The following FCRL5 variants were observed in gnomAD, a reference collection of about 807,000 sequenced individuals.
FCRL5 encodes Fc receptor-like protein 5.
FCRL5 carries 79 observed loss-of-function variants against 92.1 expected under a neutral mutation model. The observed-to-expected ratio is 0.86, with a 90% CI of 0.72 to 1.03. FCRL5 has a LOEUF of 1.03. FCRL5 is among the 50% of genes least tolerant of loss of function. FCRL5 has a pLI of 0.00. For synonymous variants in FCRL5, 466 were observed against 469.3 expected (o/e 0.99, Z 0.09); for missense variants, 1,160 against 1,181.1 (o/e 0.98, Z 0.26).
At chr1:157,532,242 C>T (rs1650731014) in intron 8 of FCRL5, 3 of 151,554 alleles carry the variant, frequency 2.0e-5, no homozygotes, top group Admixed American at 6.6e-5. Context: ...TTTTGTCAGT[C>T]CTAACATCTA....
In FCRL5 at chr1:157,524,551, A is replaced by G. The variant is rs369557186; in HGVS notation, c.1967T>C (p.Val656Ala). 1,697 of 1,586,686 alleles carry G rather than the reference A, an allele frequency of 1.1e-3. 39 individuals are homozygous for G. The South Asian group carries it at 0.018, about 17-fold the overall frequency. The change falls in exon 10 of 17, where the codon GTA becomes GCA. Residue 656 changes from valine to alanine, a missense_variant. By Grantham distance (64) the Val-to-Ala change is moderately conservative. Coordinates refer to ENST00000361835, the MANE Select transcript of FCRL5 (RefSeq NM_031281.3). The part of the protein sequence containing the change: ...DTISLSVIVP[V>A]SRPILTFRAP... ...CCTGAAGGTGAGGATGGGACGAGATACTGGAACTGAGGGAGGAAAAACGTT... is the reference window on the plus strand; with the variant it reads ...CCTGAAGGTGAGGATGGGACGAGATGCTGGAACTGAGGGAGGAAAAACGTT...
intron 2 of FCRL5, 72 bp downstream of exon 2, chr1:157,549,488 A>T: frequency 2.2e-6 from 3 of 1,387,642 alleles, no homozygotes; most frequent in Non-Finnish European, 3.0e-6. Flanking sequence ...AGCCATCACA[A>T]ATGTTTTCTA....
At chr1:157,534,098 C>A in intron 8 of FCRL5, 1 of 264,896 alleles carries the variant, frequency 3.8e-6, no homozygotes, top group East Asian at 8.7e-5. Context: ...TAAAATGATA[C>A]TGATTTTAGC....
At position 157,544,323 on chromosome 1, in the gene FCRL5, C is replaced by T. The variant is rs776465680; in HGVS notation, c.783G>A (p.Lys261=). Residue 261 remains lysine, a synonymous_variant, in exon 5 of 17, where the codon AAG becomes AAA. Transcript: ENST00000361835. ...WSKDSGFYWC[K]AATMPYSVIS... ...TGACGCTGTAAGGCATTGTTGCTGCCTTACACCAGTAGAACCCTGAATCTT... is the reference window on the plus strand; with the variant it reads ...TGACGCTGTAAGGCATTGTTGCTGCTTTACACCAGTAGAACCCTGAATCTT... 3 of 1,614,204 alleles carry T rather than the reference C, an allele frequency of 1.9e-6. No homozygotes were observed. The highest frequency in any genetic ancestry group is 1.7e-6 in the Non-Finnish European group (2 of 1,180,026).
At position 157,527,609 on chromosome 1, in the gene FCRL5, C is replaced by CAACTT. The variant is rs1274170275; in HGVS notation, c.1960+3_1960+7dup. The CAACTT allele has an allele frequency of 1.9e-6, 3 of 1,573,304 alleles. No individual in the cohort carries two copies. The African/African-American group carries it at 4.1e-5, about 21-fold the overall frequency. On this transcript the variant is annotated splice_region_variant and intron_variant, in intron 9 of 16. Transcript: ENST00000361835. The stretch of plus-strand genomic sequence containing the variant: ...TTTATTTTTGTGCTGCTGGTTAGGT[C>CAACTT]AACTTACCTATAACACTGAGTGATA...
In FCRL5 at chr1:157,547,170, AG is replaced by A. The variant is rs761840607; in HGVS notation, c.79del (p.Leu27SerfsTer14). 3.1e-6 allele frequency: 5 copies of A among 1,613,822 alleles called. No homozygotes were observed. In the African/African-American group the frequency reaches 6.7e-5, roughly 22 times the overall value. ...FARTPRPIIFLQPPWTTVFQG... is the reference protein window; with the variant it reads ...FARTPRPIIFXQPPWTTVFQG... ...GAAGACTGTGGTCCATGGAGGCTGG[AG>A]GAAAATAATGGGCCTGGGTGTCCTT... On this transcript the variant is annotated frameshift_variant, in exon 3 of 17. Coordinates refer to ENST00000361835, the MANE Select transcript of FCRL5 (RefSeq NM_031281.3). LOFTEE classifies it high-confidence loss of function.
intron 8 of FCRL5, 38 bp downstream of exon 8, chr1:157,534,576 A>G (rs1650857505): frequency 1.6e-5 from 26 of 1,613,288 alleles, no homozygotes; most frequent in East Asian, 2.2e-5. Context: ...GAGAGAACTC[A>G]GCCAGGGGTG....
rs375192406 is a variant in FCRL5, at chr1:157,518,433, A to T, written c.2808T>A (p.His936Gln). 2.9e-5 allele frequency: 47 copies of T among 1,613,358 alleles called. No individual in the cohort carries two copies. Among genetic ancestry groups the T allele is most frequent in the Non-Finnish European group, 3.6e-5 (43 of 1,179,392 alleles). The change falls in exon 15 of 17, where the codon CAT becomes CAA. Residue 936 changes from histidine to glutamine, a missense_variant. Physicochemically the swap from His to Gln is conservative, Grantham distance 24 (BLOSUM62 0). Coordinates refer to ENST00000361835, the MANE Select transcript of FCRL5 (RefSeq NM_031281.3). ...AGAGACATCCTTGGGTCTTACCTGC[A>T]TGTTTCTTTTTCTCTTGGATGATCC... Reference protein sequence around the residue: ...EVRIIQEKKKHAVASDPRHLR... With the variant: ...EVRIIQEKKKQAVASDPRHLR...
intron 8 of FCRL5, chr1:157,528,732 T>C (rs1232037081): frequency 6.6e-6 from 1 of 152,146 alleles, no homozygotes; most frequent in Admixed American, 6.5e-5. Flanking sequence ...ATGCAACAAA[T>C]GGTGCTGGCA....
chr1:157,543,000 G>A lies in FCRL5; in HGVS notation c.982C>T (p.Leu328=). 1 of 1,614,242 alleles carries A rather than the reference G, an allele frequency of 6.2e-7. No individual in the cohort carries two copies. Among genetic ancestry groups the A allele is most frequent in the East Asian group, 2.2e-5 (1 of 44,886 alleles). The change falls in exon 6 of 17, where the codon CTG becomes TTG. Residue 328 remains leucine (L), a synonymous_variant. Coordinates refer to ENST00000361835, the MANE Select transcript of FCRL5 (RefSeq NM_031281.3). ...TCACAGCGGACTGACTTGTGCCTCA[G>A]GGGGACACCCTCATGATAAAACCTG... is the stretch of plus-strand genomic sequence containing the variant. ...LYRFYHEGVP[L]RHKSVRCERG...
chr1:157,543,277 G>A, intron 5 of FCRL5, 140 bp from the exon 6 acceptor site: 1 of 759,392 alleles, frequency 1.3e-6, no homozygotes, highest in Non-Finnish European at 2.1e-6. Flanking sequence ...ACCTGCACCT[G>A]CTTCTTGCTC....
intron 7 of FCRL5, among the ~76,000 whole-genome samples, chr1:157,535,260 A>G (rs1476245427): frequency 1.3e-5 from 2 of 152,224 alleles, no homozygotes; most frequent in African/African-American, 4.8e-5. Flanking sequence ...CAACCATGGA[A>G]GAGCCATGCC....
At position 157,527,810 on chromosome 1, in the gene FCRL5, G is replaced by A; in HGVS notation, c.1767C>T (p.Ala589=). The change falls in exon 9 of 17, where the codon GCC becomes GCT. Residue 589 remains alanine, a synonymous_variant. Transcript: ENST00000361835. ...ACAGGATTGGGGGAGAGCCTCTCGG[G>A]GCCTCACAGTGAAGCTCCAGCAGGT... ...VGDLLELHCE[A]PRGSPPILYW... is the part of the protein sequence containing the mutation. 6.2e-7 allele frequency: 1 copy of A among 1,613,556 alleles called. No homozygotes were observed. The highest frequency in any genetic ancestry group is 2.2e-5 in the East Asian group (1 of 44,860).
intron 13 of FCRL5, among the ~76,000 whole-genome samples, chr1:157,519,279 C>T (rs1274577578): frequency 6.6e-6 from 1 of 152,166 alleles, no homozygotes; most frequent in African/African-American, 2.4e-5. Flanking sequence ...AGATGGTGGC[C>T]CCTTCTTCAC....
At chr1:157,531,531 C>T (rs1439948294) in intron 8 of FCRL5, among the ~76,000 whole-genome samples, 1 of 152,174 alleles carries the variant, frequency 6.6e-6, no homozygotes, top group Non-Finnish European at 1.5e-5. Flanking sequence ...AAGTTTATTG[C>T]AGCCCTGTTC....
At position 157,544,432 on chromosome 1, in the gene FCRL5, C is replaced by T. The variant is rs138632023; in HGVS notation, c.674G>A (p.Arg225Gln). The stretch of plus-strand genomic sequence containing the variant: ...CTGGTCATCTCTGAAGAAGCGGAAC[C>T]GGAGCGGGACATCTGACCTCTCTAG... ...LSLERSDVPLRFRFFRDDQTL... is the reference protein window; with the variant it reads ...LSLERSDVPLQFRFFRDDQTL... The change falls in exon 5 of 17, where the codon CGG becomes CAG. Residue 225 changes from arginine to glutamine, a missense_variant. By Grantham distance (43) the Arg-to-Gln change is conservative (BLOSUM62 1). Transcript: ENST00000361835. 84 of 1,614,158 alleles carry T rather than the reference C, an allele frequency of 5.2e-5. No individual in the cohort carries two copies. The highest frequency in any genetic ancestry group is 2.4e-4 in the African/African-American group (18 of 75,038).
At chr1:157,533,413 G>T (rs1317244569) in intron 8 of FCRL5, 1 of 152,132 alleles carries the variant, frequency 6.6e-6, no homozygotes. Context: ...GGTTTTCAAA[G>T]ATATCCAATC....
At chr1:157,550,749 G>T (rs1337938805) in intron 1 of FCRL5, among the ~76,000 whole-genome samples, 2 of 152,154 alleles carry the variant, frequency 1.3e-5, no homozygotes, top group African/African-American at 4.8e-5. Flanking sequence ...AAAGAACTAG[G>T]TTAATAATAT....
At position 157,544,804 on chromosome 1, in the gene FCRL5, C is replaced by T. The variant is rs759422412; in HGVS notation, c.559+27G>A. 3 of 1,613,030 alleles carry T rather than the reference C, an allele frequency of 1.9e-6. No individual in the cohort carries two copies. The African/African-American group carries it at 4.0e-5, about 22-fold the overall frequency. On this transcript the variant is annotated intron_variant, in intron 4 of 16. Transcript: ENST00000361835. Reference sequence around the variant, plus strand: ...CCAAGGAATCTCCTTTTGACCAACTCACTTCACAAAATAATGAAGGCTTTA... The same window carrying T: ...CCAAGGAATCTCCTTTTGACCAACTTACTTCACAAAATAATGAAGGCTTTA...
Sources: allele counts gnomAD v4.1 joint callset (sites outside exome capture counted in the v4.1 genomes callset), GRCh38; gene constraint gnomAD v4.1.1; transcripts MANE v1.5; gene names NCBI Gene and HGNC (gene_info 2026-07-23, HGNC 2026-07-21).